The following SDHAF2 variants were observed in gnomAD, a reference collection of about 807,000 sequenced individuals.
The protein encoded by SDHAF2 is succinate dehydrogenase complex assembly factor 2.
A neutral mutation model predicts 18.5 loss-of-function variants in SDHAF2; 21 were observed. The observed-to-expected ratio is 1.13, with a 90% CI of 0.80 to 1.63. SDHAF2 has a LOEUF of 1.63. SDHAF2 is among the 40% of genes most tolerant of loss of function. The pLI is 0.00. For synonymous variants in SDHAF2, 84 were observed against 70.7 expected (o/e 1.19, Z -0.94); for missense variants, 195 against 200.3 (o/e 0.97, Z 0.16).
chr11:61,430,199 T>C lies in SDHAF2; in HGVS notation c.36+17T>C, dbSNP rs201389647. 8.2e-4 allele frequency: 1,331 copies of C among 1,614,176 alleles called. 7 individuals carry two copies. In the African/African-American group the frequency reaches 0.015, roughly 19 times the overall value. ...TCGTCGCTGGTGAGGAGAGAGAACG[T>C]TCTAGCGTCCGGGGCGGGCGGCAGC... On this transcript the variant is annotated intron_variant, in intron 1 of 3. Coordinates refer to ENST00000301761, the MANE Select transcript of SDHAF2 (RefSeq NM_017841.4).
intron 1 of SDHAF2, chr11:61,433,084 G>A (rs1338309126): frequency 6.6e-6 from 1 of 151,058 alleles, no homozygotes; most frequent in Non-Finnish European, 1.5e-5. Flanking sequence ...CTGTTGCCAG[G>A]CTGGAGTGCA....
chr11:61,437,604 T>A (rs995654441), intron 1 of SDHAF2, 21 bp from the exon 2 acceptor site: 1 of 1,577,062 alleles, frequency 6.3e-7, no homozygotes, highest in South Asian at 1.1e-5. Context: ...TGTAAAGATG[T>A]TTGTGGTTTG....
chr11:61,443,752 C>T (rs1413735530), intron 3 of SDHAF2, among the ~76,000 whole-genome samples: 5 of 152,076 alleles, frequency 3.3e-5, no homozygotes, highest in Admixed American at 2.0e-4. Context: ...GCTGAGACTA[C>T]AATCACGTGC....
intron 3 of SDHAF2, among the ~76,000 whole-genome samples, chr11:61,440,884 T>C (rs1862057735): frequency 6.6e-6 from 1 of 152,202 alleles, no homozygotes; most frequent in Non-Finnish European, 1.5e-5. Context: ...AATATACATT[T>C]GATTTTTTTT....
Position 61,446,110 on chromosome 11 carries a change from G to A in SDHAF2, c.*39G>A, listed in dbSNP as rs753897175. The A allele has an allele frequency of 6.2e-7, 1 of 1,613,288 alleles. No individual in the cohort carries two copies. Among genetic ancestry groups the A allele is most frequent in the Non-Finnish European group, 8.5e-7 (1 of 1,179,450 alleles). Reference sequence around the variant, plus strand: ...GCCTGGCATGGGGGTTCAGTCTGTGGATGGTAACTACTTATGATGGACGTT... The same window carrying A: ...GCCTGGCATGGGGGTTCAGTCTGTGAATGGTAACTACTTATGATGGACGTT... On this transcript the variant is annotated 3_prime_UTR_variant, in exon 4 of 4. Transcript: ENST00000301761.
rs1180336758 is a variant in SDHAF2, at chr11:61,438,060, A to T, written c.317A>T (p.Asp106Val). ...HMTEKQLNLY[D>V]RLINEPSNDW... Reference sequence around the variant, plus strand: ...ACAGAAAAGCAGCTGAACCTCTATGACCGCCTGATTAACGAGCCTAGTAAT... The same window carrying T: ...ACAGAAAAGCAGCTGAACCTCTATGTCCGCCTGATTAACGAGCCTAGTAAT... The change falls in exon 3 of 4, where the codon GAC (aspartate) becomes GTC (valine). Residue 106 changes from aspartate (D) to valine (V), a missense_variant. Physicochemically the swap from Asp to Val is radical, Grantham distance 152. Coordinates refer to ENST00000301761, the MANE Select transcript of SDHAF2 (RefSeq NM_017841.4). 1 of 1,614,004 alleles carries T rather than the reference A, an allele frequency of 6.2e-7. No homozygotes were observed. Among genetic ancestry groups the T allele is most frequent in the African/African-American group, 1.3e-5 (1 of 74,910 alleles).
rs1421156976 is a variant in SDHAF2, at chr11:61,446,476, C to A, written c.*405C>A. ...AAAGCCTCCCGCCCTCCCTGCAGCT[C>A]CCCGCCCTCAGTGGCCCAGGGCTTT... On this transcript the variant is annotated 3_prime_UTR_variant, in exon 4 of 4. Transcript: ENST00000301761. 1 of 521,860 alleles carries A rather than the reference C, an allele frequency of 1.9e-6. No individual in the cohort carries two copies. The highest frequency in any genetic ancestry group is 3.0e-5 in the East Asian group (1 of 33,560). The allele number at this position is 521,860 out of a possible 1,614,324, so 32.3% of individuals were successfully genotyped here.
chr11:61,438,149 G>C (rs1373087659), intron 3 of SDHAF2, 36 bp downstream of exon 3: 1 of 1,464,358 alleles, frequency 6.8e-7, no homozygotes, highest in Non-Finnish European at 9.6e-7. Flanking sequence ...TGTGAAAATA[G>C]GACAGTTTAG....
chr11:61,441,380 G>T (rs1590766903), intron 3 of SDHAF2, among the ~76,000 whole-genome samples: 1 of 151,890 alleles, frequency 6.6e-6, no homozygotes, highest in Non-Finnish European at 1.5e-5. Context: ...AAAATACTGG[G>T]CGTGGTGGTG....
chr11:61,436,510 A>G (rs1372610210), intron 1 of SDHAF2, among the ~76,000 whole-genome samples: 1 of 152,164 alleles, frequency 6.6e-6, no homozygotes, highest in Non-Finnish European at 1.5e-5. Context: ...CTTTTCTGTT[A>G]GCACTTAGAT....
chr11:61,446,169 C>T lies in SDHAF2; in HGVS notation c.*98C>T. On this transcript the variant is annotated 3_prime_UTR_variant, in exon 4 of 4. Transcript: ENST00000301761. ...TTCCGGCTTCTTAGATGCCCAGCTG[C>T]CCTACCCCAGACCACTGGTCCTGCC... The T allele has an allele frequency of 1.4e-6, 2 of 1,407,780 alleles. No homozygotes were observed. The highest frequency in any genetic ancestry group is 2.0e-6 in the Non-Finnish European group (2 of 1,000,000). 87.2% of individuals were successfully genotyped at this position (1,407,780 alleles called of 1,614,324 possible).
intron 3 of SDHAF2, among the ~76,000 whole-genome samples, chr11:61,444,922 T>C (rs1049291294): frequency 6.6e-6 from 1 of 152,308 alleles, no homozygotes; most frequent in Admixed American, 6.5e-5. Flanking sequence ...TTCTCTGATA[T>C]CTTTGAGAAA....
Position 61,444,854 on chromosome 11 carries a change from C to T in SDHAF2, c.371-1087C>T, listed in dbSNP as rs368633715. Among the ~76,000 whole-genome samples the T allele has an allele frequency of 1.1e-4, 17 of 152,332 alleles. No homozygotes were observed. In the East Asian group the frequency reaches 3.1e-3, roughly 28 times the overall value. On this transcript the variant is annotated intron_variant, in intron 3 of 3. Transcript: ENST00000301761. ...GAGCAAGTGCATGGCTCTCGTTTCT[C>T]CTTTGAAGGGCCTCTTTTTCCTTAG...
At chr11:61,445,567 C>A (rs1206691713) in intron 3 of SDHAF2, among the ~76,000 whole-genome samples, 1 of 152,118 alleles carries the variant, frequency 6.6e-6, no homozygotes, top group Non-Finnish European at 1.5e-5. Context: ...AAATGCAAAG[C>A]AAAATAGTAC....
intron 3 of SDHAF2, among the ~76,000 whole-genome samples, chr11:61,441,628 C>T (rs1396795003): frequency 6.6e-6 from 1 of 151,822 alleles, no homozygotes; most frequent in Non-Finnish European, 1.5e-5. Context: ...GCAAAACTTA[C>T]AGGGACAAAT....
chr11:61,442,306 G>A (rs1014693949), intron 3 of SDHAF2, among the ~76,000 whole-genome samples: 4 of 152,142 alleles, frequency 2.6e-5, no homozygotes, highest in Non-Finnish European at 5.9e-5. Context: ...TACAAGATCG[G>A]GTAGTCAGGA....
chr11:61,446,100 T>C lies in SDHAF2; in HGVS notation c.*29T>C. ...GTGCTCCACGGCCTGGCATGGGGGT[T>C]CAGTCTGTGGATGGTAACTACTTAT... On this transcript the variant is annotated 3_prime_UTR_variant, in exon 4 of 4. Transcript: ENST00000301761. 6.2e-7 allele frequency: 1 copy of C among 1,613,916 alleles called. No homozygotes were observed. Among genetic ancestry groups the C allele is most frequent in the Non-Finnish European group, 8.5e-7 (1 of 1,179,872 alleles).
rs1334670172 is a variant in SDHAF2, at chr11:61,430,138, G to A, written c.-9G>A. 1 of 1,614,206 alleles carries A rather than the reference G, an allele frequency of 6.2e-7. No homozygotes were observed. Among genetic ancestry groups the A allele is most frequent in the South Asian group, 1.1e-5 (1 of 91,064 alleles). ...CCCGCGCAGCCGGTTTCCGGTGCAG[G>A]TGGGGAAAATGGCGGTGTCTACAGT... On this transcript the variant is annotated 5_prime_UTR_variant, in exon 1 of 4. In the 5' UTR this introduces an upstream ATG that the reference lacks. Coordinates refer to ENST00000301761, the MANE Select transcript of SDHAF2 (RefSeq NM_017841.4).
intron 1 of SDHAF2, among the ~76,000 whole-genome samples, chr11:61,437,302 C>T (rs1429989473): frequency 6.6e-6 from 1 of 152,174 alleles, no homozygotes; most frequent in Non-Finnish European, 1.5e-5. Context: ...GATCTTCCCA[C>T]TTCAGCCTCC....
Sources: gnomAD v4.1 joint callset for allele counts (sites outside exome capture counted in the v4.1 genomes callset) on GRCh38, gnomAD v4.1.1 for gene constraint, MANE v1.5 for transcripts, NCBI Gene and HGNC (gene_info 2026-07-23, HGNC 2026-07-21) for gene names.